Variants in GTPBP6 observed in about 807,000 individuals in gnomAD.
The protein encoded by GTPBP6 is GTP binding protein 6, also known as putative GTP-binding protein 6.
GTPBP6 carries 33 observed loss-of-function variants against 28.9 expected under a neutral mutation model. That is an observed-to-expected ratio of 1.14 (90% CI 0.87 to 1.53). GTPBP6 has a LOEUF of 1.53. Among genes scored for constraint, GTPBP6 ranks in the 40% most tolerant of loss-of-function variants. GTPBP6 has a pLI of 0.00. For synonymous variants in GTPBP6, 231 were observed against 192.7 expected (o/e 1.20, Z -1.65); for missense variants, 507 against 408.3 (o/e 1.24, Z -2.08).
Position 314,221 on chromosome X carries a change from G to C in GTPBP6, c.690-4C>G, listed in dbSNP as rs1234791956. 13 of 1,612,542 alleles carry C rather than the reference G, an allele frequency of 8.1e-6. No individual in the cohort carries two copies. Among genetic ancestry groups the C allele is most frequent in the East Asian group, 2.2e-5 (1 of 44,860 alleles). Reference sequence around the variant, plus strand: ...GACGTCCCTTTTCAAGTTCGACCTGGTGTGGGAACGGGAGTGGCTCGGTCT... The same window carrying C: ...GACGTCCCTTTTCAAGTTCGACCTGCTGTGGGAACGGGAGTGGCTCGGTCT... On this transcript the variant is annotated splice_polypyrimidine_tract_variant and splice_region_variant and intron_variant, in intron 4 of 9. Coordinates refer to ENST00000326153, the Ensembl canonical transcript of GTPBP6.
intron 5 of GTPBP6, 80 bp from the exon 6 acceptor site, chrX:313,004 G>A (rs989045014): frequency 8.5e-5 from 110 of 1,288,590 alleles, no homozygotes; most frequent in Admixed American, 7.2e-4. Context: ...GAGGGTCTGC[G>A]GGGGCCCGGG....
intron 9 of GTPBP6, among the ~76,000 whole-genome samples, chrX:305,474 A>C (rs1222726790): frequency 2.0e-5 from 3 of 151,534 alleles, no homozygotes; most frequent in Non-Finnish European, 4.4e-5. Flanking sequence ...GGTGCATGCC[A>C]CCACACCTGG....
intron 5 of GTPBP6, 68 bp downstream of exon 5, chrX:314,082 G>GGATCTCCTATGTCCTCA (rs1306487082): frequency 8.3e-7 from 1 of 1,203,810 alleles, no homozygotes; most frequent in African/African-American, 1.5e-5. Context: ...CCAGGGCTGA[G>GGATCTCCTATGTCCTCA]AAGGGTGGCT....
At chrX:307,797 C>T in exon 8 of GTPBP6, 2 of 1,547,950 alleles carry the variant, frequency 1.3e-6, no homozygotes, top group Non-Finnish European at 8.7e-7. Context: ...CGGGCAGCTG[C>T]AGGCCACGCA....
Position 311,418 on chromosome X carries a change from C to T in GTPBP6, c.1125+1G>A, listed in dbSNP as rs1257634458. 6.2e-7 allele frequency: 1 copy of T among 1,608,064 alleles called. No individual in the cohort carries two copies. Among genetic ancestry groups the T allele is most frequent in the Non-Finnish European group, 8.5e-7 (1 of 1,177,100 alleles). ...CCGATCCCCGGCCGTCCCACGCTCACCGAGTGGGCCACGTCTTCCAGGGTG... is the reference window on the plus strand; with the variant it reads ...CCGATCCCCGGCCGTCCCACGCTCATCGAGTGGGCCACGTCTTCCAGGGTG... On this transcript the variant is annotated splice_donor_variant, in intron 7 of 9. Coordinates refer to ENST00000326153, the Ensembl canonical transcript of GTPBP6. LOFTEE classifies it high-confidence loss of function.
intron 7 of GTPBP6, among the ~76,000 whole-genome samples, chrX:308,573 A>G (rs970737546): frequency 9.9e-5 from 15 of 152,138 alleles, no homozygotes; most frequent in African/African-American, 3.4e-4. Flanking sequence ...TCAGCTACTC[A>G]GGAGGCTGAG....
rs2124473851 is a variant in GTPBP6, at chrX:315,387, C to CCG, written c.488-90_488-89dup. The CCG allele has an allele frequency of 7.5e-6, 3 of 398,576 alleles. No individual in the cohort carries two copies. In the East Asian group the frequency reaches 1.1e-4, roughly 14 times the overall value. 24.7% of individuals were successfully genotyped at this position (398,576 alleles called of 1,614,324 possible). A position where few individuals can be genotyped will look rare whatever the true frequency, so the allele number is the denominator to read the frequency against. Reference sequence around the variant, plus strand: ...CCCACCATACCCTTTGTGGGATGCACCGCGGAGAGCTCACTTCACAGGCAT... The same window carrying CCG: ...CCCACCATACCCTTTGTGGGATGCACCGCGCGGAGAGCTCACTTCACAGGCAT... On this transcript the variant is annotated intron_variant, in intron 2 of 9. Coordinates refer to ENST00000326153, the Ensembl canonical transcript of GTPBP6.
chrX:314,755 C>G (rs1338509500), intron 4 of GTPBP6, 135 bp downstream of exon 4: 156 of 394,316 alleles, frequency 4.0e-4, no homozygotes, highest in African/African-American at 2.3e-3. Flanking sequence ...GGATGACAGG[C>G]GTGAGCCACC....
chrX:307,736 G>A (rs1213043988), exon 8 of GTPBP6: 3 of 1,479,822 alleles, frequency 2.0e-6, no homozygotes, highest in Admixed American at 5.1e-5. Context: ...ACTCACCCGG[G>A]CACGAGGTCC....
chrX:308,840 TCTC>T (rs1376586871), intron 7 of GTPBP6, among the ~76,000 whole-genome samples: 1 of 150,668 alleles, frequency 6.6e-6, no homozygotes, highest in Non-Finnish European at 1.5e-5. Flanking sequence ...GTTCAGCCAT[TCTC>T]CTGCCTCAGC....
chrX:314,217 C>T (rs991988021), exon 5 of GTPBP6: 2 of 1,613,070 alleles, frequency 1.2e-6, no homozygotes, highest in Middle Eastern at 1.7e-4. Flanking sequence ...TCAAGTTCGA[C>T]CTGGTGTGGG....
exon 10 of GTPBP6, chrX:304,955 C>T: frequency 6.7e-7 from 1 of 1,498,644 alleles, no homozygotes; most frequent in East Asian, 2.5e-5. Context: ...GAGACGGGTG[C>T]AGAACCAGAC....
chrX:318,071 G>A (rs1168787234), intron 1 of GTPBP6, among the ~76,000 whole-genome samples: 1 of 127,752 alleles, frequency 7.8e-6, no homozygotes, highest in South Asian at 2.6e-4. Flanking sequence ...CCGCCCCTAC[G>A]TCGCCACCTG....
In GTPBP6 at chrX:312,937, C is replaced by T. The variant is rs376933759; in HGVS notation, c.758-13G>A. 8.3e-5 allele frequency: 134 copies of T among 1,605,706 alleles called. No individual in the cohort carries two copies. The highest frequency in any genetic ancestry group is 2.0e-4 in the Middle Eastern group (1 of 5,070). ...ATGAAGGATTCTCCTAAAAGACACC[C>T]GAGATGGTGAGGCGGTGAGCCACGC... On this transcript the variant is annotated splice_polypyrimidine_tract_variant and intron_variant, in intron 5 of 9. Transcript: ENST00000326153.
At chrX:312,042 C>A in intron 6 of GTPBP6, 1 of 452,404 alleles carries the variant, frequency 2.2e-6, no homozygotes, top group Admixed American at 2.6e-5. Context: ...GGCAGTGGTG[C>A]CGGTGTTGAC....
chrX:313,927 A>G (rs1222676282), intron 5 of GTPBP6, among the ~76,000 whole-genome samples: 1 of 100,716 alleles, frequency 9.9e-6, no homozygotes, highest in African/African-American at 3.6e-5. Flanking sequence ...AACCACCAGC[A>G]TCTCCTATCT....
chrX:307,710 C>T (rs1157293997), intron 8 of GTPBP6, 22 bp downstream of exon 8: 34 of 1,461,772 alleles, frequency 2.3e-5, no homozygotes, highest in South Asian at 1.4e-4. Context: ...GAGACGCTTG[C>T]GGACCCCAGG....
intron 6 of GTPBP6, chrX:311,969 T>A: frequency 1.8e-6 from 1 of 555,004 alleles, no homozygotes; most frequent in South Asian, 1.9e-5. Context: ...GTGGTGCTGG[T>A]GTGGATGGGA....
intron 3 of GTPBP6, 64 bp downstream of exon 3, chrX:315,165 T>C (rs1396031920): frequency 3.2e-5 from 11 of 348,668 alleles, no homozygotes; most frequent in Admixed American, 5.9e-5. Context: ...CCGGACGCCG[T>C]GGCGTCCCCT....
Sources: gnomAD v4.1 joint callset for allele counts (sites outside exome capture counted in the v4.1 genomes callset) on GRCh38, gnomAD v4.1.1 for gene constraint, MANE v1.5 for transcripts, NCBI Gene and HGNC (gene_info 2026-07-23, HGNC 2026-07-21) for gene names.